RIMS1: variants seen among roughly 807,000 people sequenced by gnomAD.
The protein encoded by RIMS1 is regulating synaptic membrane exocytosis 1, also known as regulating synaptic membrane exocytosis protein 1.
In RIMS1, 83 loss-of-function variants were observed where a neutral mutation model predicts 214.1. That is an observed-to-expected ratio of 0.39 (90% confidence interval 0.32 to 0.47). RIMS1 has a LOEUF of 0.47. Among genes scored for constraint, RIMS1 ranks in the 20% least tolerant of loss-of-function variants. RIMS1 has a pLI of 0.99. For missense variants in RIMS1, 2,050 were observed against 2,161.8 expected (o/e 0.95, Z 1.03); for synonymous variants, 793 against 786.8 (o/e 1.01, Z -0.13).
chr6:72,209,153 C>T (rs1323350768), intron 6 of RIMS1, among the ~76,000 whole-genome samples: 1 of 152,140 alleles, frequency 6.6e-6, no homozygotes, highest in Non-Finnish European at 1.5e-5. Flanking sequence ...AATTTACATA[C>T]CTGTAACTTA....
chr6:72,007,361 G>A (rs1025735795), intron 2 of RIMS1, among the ~76,000 whole-genome samples: 9 of 152,122 alleles, frequency 5.9e-5, no homozygotes, highest in African/African-American at 1.4e-4. Flanking sequence ...AGGTAAAACC[G>A]CAAAGATGGG....
intron 1 of RIMS1, among the ~76,000 whole-genome samples, chr6:71,944,482 G>A (rs557748141): frequency 1.3e-5 from 2 of 152,264 alleles, no homozygotes; most frequent in Admixed American, 1.3e-4. Flanking sequence ...GTGAGAGAGG[G>A]ATTGAAGGCT....
chr6:72,392,571 TAAAA>T, intron 30 of RIMS1, 123 bp from the exon 31 acceptor site: 1 of 749,414 alleles, frequency 1.3e-6, no homozygotes, highest in Non-Finnish European at 2.3e-6. Flanking sequence ...AAGAATCAAT[TAAAA>T]AAACAGATTG....
chr6:71,975,586 C>T (rs1019422642), intron 2 of RIMS1, among the ~76,000 whole-genome samples: 3 of 152,082 alleles, frequency 2.0e-5, no homozygotes, highest in Non-Finnish European at 4.4e-5. Flanking sequence ...AATTGAGATA[C>T]AATGCACATA....
At chr6:72,263,911 T>G (rs919119515) in intron 19 of RIMS1, 1 of 354,778 alleles carries the variant, frequency 2.8e-6, no homozygotes, top group Non-Finnish European at 3.9e-6. Flanking sequence ...GAGATTTGCT[T>G]GAACCCAGGA....
intron 29 of RIMS1, among the ~76,000 whole-genome samples, chr6:72,352,377 A>T (rs1171058941): frequency 6.6e-6 from 1 of 152,216 alleles, no homozygotes; most frequent in South Asian, 2.1e-4. Context: ...AAGGAAACTA[A>T]AACTCAGAAA....
Position 72,317,093 on chromosome 6 carries a change from C to T in RIMS1, c.4130+3421C>T. ...GGCAGGGGTGGGGTGGGCACCACCT[C>T]CTCCCCACTGCTCCCCATGCCTGAA... On this transcript the variant is annotated intron_variant, in intron 28 of 33. Coordinates refer to ENST00000521978, the MANE Select transcript of RIMS1 (RefSeq NM_014989.7). 11 of 425,722 alleles carry T rather than the reference C, an allele frequency of 2.6e-5. 2 individuals carry two copies. The highest frequency in any genetic ancestry group is 2.1e-4 in the South Asian group (10 of 47,436). The allele number at this position is 425,722 out of a possible 1,614,324, so 26.4% of individuals were successfully genotyped here.
chr6:72,275,696 C>A (rs1563411696), intron 23 of RIMS1, among the ~76,000 whole-genome samples: 1 of 151,920 alleles, frequency 6.6e-6, no homozygotes, highest in East Asian at 1.9e-4. Flanking sequence ...AAACTAGTAA[C>A]CAATCTAAAA....
intron 2 of RIMS1, among the ~76,000 whole-genome samples, chr6:72,069,425 T>G (rs1009624738): frequency 6.6e-6 from 1 of 152,222 alleles, no homozygotes; most frequent in Non-Finnish European, 1.5e-5. Flanking sequence ...TAAGGGCAAA[T>G]TCAACAATGT....
chr6:72,259,804 T>A (rs1380770515), intron 18 of RIMS1, among the ~76,000 whole-genome samples: 2 of 152,156 alleles, frequency 1.3e-5, no homozygotes, highest in Non-Finnish European at 2.9e-5. Context: ...AAGCTCAGGA[T>A]CTGATTTAAG....
At position 72,343,515 on chromosome 6, in the gene RIMS1, TTG is replaced by T. The variant is rs1209452789; in HGVS notation, c.4366+9689_4366+9690del. Among the ~76,000 whole-genome samples the T allele has an allele frequency of 8.6e-3, 1,038 of 120,338 alleles. 32 individuals are homozygous for T. Among genetic ancestry groups the T allele is most frequent in the African/African-American group, 0.017 (545 of 31,154 alleles). 78.9% of individuals were successfully genotyped at this position (120,338 alleles called of 152,430 possible). A position where few individuals can be genotyped will look rare whatever the true frequency, so the allele number is the denominator to read the frequency against. On this transcript the variant is annotated intron_variant, in intron 29 of 33. Transcript: ENST00000521978. ...TTCTTTTTTTTTTTTTTTTTTTTTT[TTG>T]TGTGTGTGGTCTTGAACTCCTGGCC...
chr6:71,894,694 A>G (rs1771094940), intron 1 of RIMS1, among the ~76,000 whole-genome samples: 1 of 152,206 alleles, frequency 6.6e-6, no homozygotes, highest in African/African-American at 2.4e-5. Context: ...ATATTTTGAT[A>G]TTCCTCTGAG....
intron 29 of RIMS1, among the ~76,000 whole-genome samples, chr6:72,339,682 C>A (rs1019349992): frequency 3.3e-5 from 5 of 152,006 alleles, no homozygotes; most frequent in African/African-American, 1.2e-4. Flanking sequence ...TCCAGTCTAT[C>A]ATTGTTGGAC....
intron 26 of RIMS1, among the ~76,000 whole-genome samples, chr6:72,300,308 T>C (rs2094489171): frequency 6.6e-6 from 1 of 151,830 alleles, no homozygotes; most frequent in African/African-American, 2.4e-5. Flanking sequence ...AGAGACCTAA[T>C]TGAGGAAAAC....
At chr6:72,188,129 T>C (rs1406510469) in intron 6 of RIMS1, among the ~76,000 whole-genome samples, 1 of 150,302 alleles carries the variant, frequency 6.7e-6, no homozygotes, top group African/African-American at 2.5e-5. Context: ...GCAGATTGAG[T>C]GTGGGTCGGC....
intron 23 of RIMS1, among the ~76,000 whole-genome samples, chr6:72,276,910 A>G (rs1207530798): frequency 6.6e-6 from 1 of 152,168 alleles, no homozygotes; most frequent in Non-Finnish European, 1.5e-5. Flanking sequence ...TCAGATTTGG[A>G]TATAGTGAAT....
intron 2 of RIMS1, among the ~76,000 whole-genome samples, chr6:72,068,167 A>G (rs534255945): frequency 3.2e-4 from 48 of 152,222 alleles, no homozygotes; most frequent in Non-Finnish European, 4.0e-4. Context: ...TTTTTGGTCC[A>G]TGGTAACGAG....
At chr6:72,071,918 A>G (rs761646244) in intron 2 of RIMS1, among the ~76,000 whole-genome samples, 1 of 152,240 alleles carries the variant, frequency 6.6e-6, no homozygotes, top group South Asian at 2.1e-4. Context: ...GTCTTCAAAT[A>G]TTTGGATTAA....
At position 72,068,649 on chromosome 6, in the gene RIMS1, C is replaced by T. The variant is rs1051299490; in HGVS notation, c.246-28300C>T. 1.1e-4 allele frequency among the ~76,000 whole-genome samples: 17 copies of T among 152,158 alleles called. No homozygotes were observed. The East Asian group carries it at 2.7e-3, about 24-fold the overall frequency. On this transcript the variant is annotated intron_variant, in intron 2 of 33. Coordinates refer to ENST00000521978, the MANE Select transcript of RIMS1 (RefSeq NM_014989.7). Reference sequence around the variant, plus strand: ...AGGAATTTATGAGGTGCTGGCGGGGCGTGGTGGCTCATGCCTGTAAGCCCA... The same window carrying T: ...AGGAATTTATGAGGTGCTGGCGGGGTGTGGTGGCTCATGCCTGTAAGCCCA...
Sources: allele counts gnomAD v4.1 joint callset (sites outside exome capture counted in the v4.1 genomes callset), GRCh38; gene constraint gnomAD v4.1.1; transcripts MANE v1.5; gene names NCBI Gene and HGNC (gene_info 2026-07-23, HGNC 2026-07-21).